NARF: variants seen among roughly 807,000 people sequenced by gnomAD.
NARF encodes nuclear prelamin A recognition factor.
NARF carries 41 observed loss-of-function variants against 48.0 expected under a neutral mutation model. That is an observed-to-expected ratio of 0.85 (90% CI 0.66 to 1.11). NARF has a LOEUF of 1.11. Ranked by LOEUF, NARF falls within the 50% of genes least tolerant of loss-of-function variation. NARF has a pLI of 0.00. For missense variants in NARF, 613 were observed against 590.2 expected, an observed-to-expected ratio of 1.04 and a Z score of -0.40; for synonymous variants, 215 against 225.5, an observed-to-expected ratio of 0.95 and a Z score of 0.42.
intron 6 of NARF, chr17:82,480,476 A>C: frequency 7.5e-6 from 3 of 401,806 alleles, no homozygotes; most frequent in Non-Finnish European, 1.3e-5. Flanking sequence ...GGCTTTGCAG[A>C]TGTTTGGGAG....
At chr17:82,471,300 A>C (rs1189552403) in intron 4 of NARF, among the ~76,000 whole-genome samples, 1 of 151,456 alleles carries the variant, frequency 6.6e-6, no homozygotes, top group Non-Finnish European at 1.5e-5. Flanking sequence ...CTAAAAATTC[A>C]AAAAAGTAGC....
intron 3 of NARF, 80 bp from the exon 4 acceptor site, chr17:82,468,684 C>A: frequency 7.1e-7 from 1 of 1,403,752 alleles, no homozygotes; most frequent in Non-Finnish European, 9.9e-7. Context: ...TAACGTTGTT[C>A]TGAATTTCTC....
At chr17:82,467,704 A>C (rs1190960220) in intron 3 of NARF, among the ~76,000 whole-genome samples, 3 of 151,334 alleles carry the variant, frequency 2.0e-5, no homozygotes, top group Non-Finnish European at 4.4e-5. Flanking sequence ...GGGTTTCGCC[A>C]TGTTGGCCAG....
chr17:82,470,367 A>G (rs2043670284), intron 4 of NARF, among the ~76,000 whole-genome samples: 1 of 152,260 alleles, frequency 6.6e-6, no homozygotes, highest in African/African-American at 2.4e-5. Context: ...AATGCTATAT[A>G]TTCTCACGAT....
At chr17:82,458,861 C>T in intron 1 of NARF, 31 bp downstream of exon 1, 1 of 1,389,710 alleles carries the variant, frequency 7.2e-7, no homozygotes, top group East Asian at 2.8e-5. Flanking sequence ...AGGCGCGCGC[C>T]TGGTGCTTGT....
At chr17:82,483,338 C>G (rs74684680) in intron 7 of NARF, 3,161 of 311,618 alleles carry the variant, frequency 0.01, 98 homozygotes, top group African/African-American at 0.066. Context: ...AAAAATGCAA[C>G]CAGTGTATAT....
chr17:82,484,760 T>G (rs1229905129), intron 8 of NARF, 53 bp from the exon 9 acceptor site: 33 of 1,517,148 alleles, frequency 2.2e-5, no homozygotes, highest in Non-Finnish European at 2.7e-5. Context: ...TCACTCTTTC[T>G]GTCACTGTAC....
intron 1 of NARF, chr17:82,459,061 C>G (rs1210115789): frequency 7.1e-5 from 85 of 1,202,734 alleles, no homozygotes; most frequent in Non-Finnish European, 8.6e-5. Context: ...CCATCTTTCC[C>G]ACGCCCGCGA....
intron 5 of NARF, among the ~76,000 whole-genome samples, chr17:82,475,473 T>C (rs948139586): frequency 1.3e-5 from 2 of 152,084 alleles, no homozygotes; most frequent in Non-Finnish European, 2.9e-5. Flanking sequence ...GGCGGGCACC[T>C]GTAGTCCCTG....
chr17:82,484,776 C>A, intron 8 of NARF, 37 bp from the exon 9 acceptor site: 1 of 1,549,188 alleles, frequency 6.5e-7, no homozygotes. Context: ...TGTACGTCAG[C>A]ATTCATGAAG....
chr17:82,481,178 G>A lies in NARF; in HGVS notation c.736G>A (p.Gly246Ser). The A allele has an allele frequency of 6.2e-7, 1 of 1,614,104 alleles. No homozygotes were observed. The highest frequency in any genetic ancestry group is 8.5e-7 in the Non-Finnish European group (1 of 1,180,016). Residue 246 changes from glycine (G) to serine (S), a missense_variant, in exon 7 of 11, where the codon GGC becomes AGC. By Grantham distance (56) the Gly-to-Ser change is moderately conservative. Coordinates refer to ENST00000309794, the MANE Select transcript of NARF (RefSeq NM_012336.4). ...LQESLPPALH[G>S]SRGADCVLTS... ...GGAAAGCCTTCCCCCTGCTTTGCAT[G>A]GCTCCCGGGGCGCTGACTGCGTGTT...
chr17:82,466,221 A>G (rs2043563900), intron 3 of NARF, among the ~76,000 whole-genome samples: 2 of 152,096 alleles, frequency 1.3e-5, no homozygotes, highest in Non-Finnish European at 2.9e-5. Context: ...ATGCTTCCCT[A>G]AGTGATAGGG....
chr17:82,467,378 T>C (rs2043595221), intron 3 of NARF, among the ~76,000 whole-genome samples: 1 of 152,224 alleles, frequency 6.6e-6, no homozygotes, highest in Non-Finnish European at 1.5e-5. Flanking sequence ...TGTCTTCTAT[T>C]GCGCTGCCAA....
chr17:82,464,228 A>G (rs2043506598), intron 2 of NARF, 59 bp from the exon 3 acceptor site: 1 of 1,578,124 alleles, frequency 6.3e-7, no homozygotes, highest in South Asian at 1.2e-5. Flanking sequence ...TACCCTCTCT[A>G]AAGAAGCACA....
rs1481047861 is a variant in NARF, at chr17:82,464,309, C to G, written c.131C>G (p.Ala44Gly). The G allele has an allele frequency of 6.2e-7, 1 of 1,613,500 alleles. No homozygotes were observed. Among genetic ancestry groups the G allele is most frequent in the Non-Finnish European group, 8.5e-7 (1 of 1,179,792 alleles). The change falls in exon 3 of 11, where the codon GCT becomes GGT. Residue 44 changes from alanine (A) to glycine (G), a missense_variant. Physicochemically the swap from Ala to Gly is moderately conservative, Grantham distance 60. Coordinates refer to ENST00000309794, the MANE Select transcript of NARF (RefSeq NM_012336.4). The part of the protein sequence containing the change: ...NGEKGEFHKL[A>G]DAKIFLSDCL... ...TAGAAGGGAGAATTCCACAAGTTGG[C>G]TGATGCCAAGATATTTTTGAGCGAC...
chr17:82,462,422 C>G (rs1363963172), intron 2 of NARF, among the ~76,000 whole-genome samples: 1 of 152,178 alleles, frequency 6.6e-6, no homozygotes, highest in African/African-American at 2.4e-5. Flanking sequence ...AGGTAACCGA[C>G]TTAAGCTGGC....
chr17:82,479,643 C>T (rs973366211), intron 6 of NARF, among the ~76,000 whole-genome samples: 7 of 152,186 alleles, frequency 4.6e-5, no homozygotes, highest in African/African-American at 1.4e-4. Flanking sequence ...CACCTCCCTC[C>T]GGGGAAGCAG....
chr17:82,483,002 C>G (rs939238401), intron 7 of NARF, among the ~76,000 whole-genome samples: 11 of 151,086 alleles, frequency 7.3e-5, no homozygotes, highest in African/African-American at 2.2e-4. Context: ...GCCATGTTGG[C>G]TAGACTGGCG....
chr17:82,468,864 C>A lies in NARF; in HGVS notation c.353C>A (p.Ser118Tyr). The A allele has an allele frequency of 6.2e-7, 1 of 1,614,078 alleles. No homozygotes were observed. The highest frequency in any genetic ancestry group is 8.5e-7 in the Non-Finnish European group (1 of 1,179,970). The change falls in exon 4 of 11, where the codon TCC (serine) becomes TAC (tyrosine). Residue 118 changes from serine to tyrosine, a missense_variant. By Grantham distance (144) the Ser-to-Tyr change is moderately radical (BLOSUM62 -2). Transcript: ENST00000309794. ...TTCAACCTCAGTGTAACTGATGCAT[C>A]CAGAAGACTCTGTGGTTTCCTCAAA... Reference protein sequence around the residue: ...AKFNLSVTDASRRLCGFLKSL... With the variant: ...AKFNLSVTDAYRRLCGFLKSL...
Sources: gnomAD v4.1 joint callset for allele counts (sites outside exome capture counted in the v4.1 genomes callset) on GRCh38, gnomAD v4.1.1 for gene constraint, MANE v1.5 for transcripts, NCBI Gene and HGNC (gene_info 2026-07-23, HGNC 2026-07-21) for gene names.